Variants in ABCC8 observed in about 807,000 individuals in gnomAD.
ABCC8 encodes ATP binding cassette subfamily C member 8, also known as ATP-binding cassette sub-family C member 8.
A neutral mutation model predicts 188.0 loss-of-function variants in ABCC8; 137 were observed. The ratio of observed to expected loss-of-function variants is 0.73; its 90% CI spans 0.63 to 0.84. ABCC8 has a LOEUF of 0.84. Ranked by LOEUF, ABCC8 falls within the 40% of genes least tolerant of loss-of-function variation. The pLI, the probability that ABCC8 is intolerant of heterozygous loss-of-function variation, is 0.00. For missense variants in ABCC8, 1,750 were observed against 2,072.7 expected, an observed-to-expected ratio of 0.84 and a Z score of 3.02; for synonymous variants, 797 against 846.5, an observed-to-expected ratio of 0.94 and a Z score of 1.01.
At chr11:17,462,018 C>T in intron 4 of ABCC8, 193 bp from the exon 5 acceptor site, 4 of 593,928 alleles carry the variant, frequency 6.7e-6, no homozygotes, top group Non-Finnish European at 8.5e-6. Flanking sequence ...GGCATCCTGA[C>T]TTTGTAACTG....
At chr11:17,464,128 T>G (rs1432903823) in intron 3 of ABCC8, among the ~76,000 whole-genome samples, 2 of 152,232 alleles carry the variant, frequency 1.3e-5, no homozygotes, top group Non-Finnish European at 2.9e-5. Context: ...CATGCTATAA[T>G]GACTTACTTG....
At chr11:17,447,179 C>T (rs1207751927) in intron 8 of ABCC8, among the ~76,000 whole-genome samples, 7 of 152,304 alleles carry the variant, frequency 4.6e-5, no homozygotes, top group South Asian at 2.1e-4. Flanking sequence ...GGAACCTTCC[C>T]GCCCTCTGGG....
At chr11:17,417,453 A>C (rs972862183) in intron 16 of ABCC8, among the ~76,000 whole-genome samples, 1 of 152,206 alleles carries the variant, frequency 6.6e-6, no homozygotes, top group African/African-American at 2.4e-5. Flanking sequence ...CTTGTTTATA[A>C]ATGCATAAAT....
intron 22 of ABCC8, chr11:17,408,725 G>A (rs1021950602): frequency 2.4e-5 from 8 of 333,782 alleles, no homozygotes; most frequent in East Asian, 1.7e-4. Flanking sequence ...CATCTGAGGC[G>A]TATTTCTCAA....
At chr11:17,422,673 T>C (rs1955399959) in intron 16 of ABCC8, among the ~76,000 whole-genome samples, 1 of 152,180 alleles carries the variant, frequency 6.6e-6, no homozygotes, top group Admixed American at 6.5e-5. Context: ...CTACAGTCTG[T>C]CTGTCTTTTT....
intron 6 of ABCC8, among the ~76,000 whole-genome samples, chr11:17,458,937 T>C (rs1033810739): frequency 6.6e-6 from 1 of 152,244 alleles, no homozygotes; most frequent in African/African-American, 2.4e-5. Context: ...AGTATTTTAT[T>C]TTGATTTCTC....
At chr11:17,462,078 A>C (rs940564965) in intron 4 of ABCC8, among the ~76,000 whole-genome samples, 10 of 152,148 alleles carry the variant, frequency 6.6e-5, no homozygotes, top group Non-Finnish European at 1.2e-4. Flanking sequence ...GGTTGGGTTT[A>C]GGTTGGGTTG....
chr11:17,410,324 G>T (rs1954748865), intron 22 of ABCC8, 192 bp downstream of exon 22: 4 of 638,916 alleles, frequency 6.3e-6, no homozygotes, highest in South Asian at 5.9e-5. Context: ...GTGGGTCTAG[G>T]TGATACCAAA....
At position 17,413,404 on chromosome 11, in the gene ABCC8, A is replaced by G. The variant is rs550574143; in HGVS notation, c.2465T>C (p.Ile822Thr). The G allele has an allele frequency of 1.2e-6, 2 of 1,614,070 alleles. No individual in the cohort carries two copies. Among genetic ancestry groups the G allele is most frequent in the East Asian group, 2.2e-5 (1 of 44,874 alleles). Reference sequence around the variant, plus strand: ...GAGGCTGCTACTAACCCGTTCCCCAATCTGGGTCTGGTCTCCATGGGGCAG... The same window carrying G: ...GAGGCTGCTACTAACCCGTTCCCCAGTCTGGGTCTGGTCTCCATGGGGCAG... ...DILPHGDQTQ[I>T]GERGINLSGG... Residue 822 changes from isoleucine to threonine, a missense_variant, in exon 20 of 39, where the codon ATT becomes ACT. By Grantham distance (89) the Ile-to-Thr change is moderately conservative. Coordinates refer to ENST00000389817, the MANE Select transcript of ABCC8 (RefSeq NM_000352.6).
chr11:17,419,540 G>A (rs1371465957), intron 16 of ABCC8, among the ~76,000 whole-genome samples: 1 of 152,220 alleles, frequency 6.6e-6, no homozygotes, highest in Non-Finnish European at 1.5e-5. Context: ...GAAGCTTCTG[G>A]GTGATGGGAT....
At chr11:17,428,733 G>A (rs919281483) in intron 12 of ABCC8, 63 bp from the exon 13 acceptor site, 30 of 1,598,678 alleles carry the variant, frequency 1.9e-5, no homozygotes, top group Middle Eastern at 1.6e-4. Flanking sequence ...GGGAGAGGGC[G>A]CAGCCTGATA....
chr11:17,403,996 G>A (rs1257517999), intron 28 of ABCC8, among the ~76,000 whole-genome samples: 2 of 152,162 alleles, frequency 1.3e-5, no homozygotes, highest in Non-Finnish European at 2.9e-5. Flanking sequence ...ATTTTGAGGA[G>A]GAAAGAGGCG....
intron 16 of ABCC8, among the ~76,000 whole-genome samples, chr11:17,424,192 T>C (rs949037922): frequency 2.0e-4 from 30 of 148,894 alleles, no homozygotes; most frequent in East Asian, 4.0e-4. Flanking sequence ...AGGGAGAGCA[T>C]TAGGACAAAT....
At chr11:17,430,627 G>T in intron 12 of ABCC8, 187 bp downstream of exon 12, 1 of 740,150 alleles carries the variant, frequency 1.4e-6, no homozygotes, top group Non-Finnish European at 2.4e-6. Flanking sequence ...TCCTTGCTCA[G>T]GGATGGCGAG....
chr11:17,460,394 G>T (rs957258117), intron 6 of ABCC8, 94 bp downstream of exon 6: 2 of 1,576,962 alleles, frequency 1.3e-6, no homozygotes, highest in Non-Finnish European at 1.7e-6. Context: ...CCACTCCAGT[G>T]TGGCCATGGC....
intron 1 of ABCC8, among the ~76,000 whole-genome samples, chr11:17,476,409 G>T (rs996823195): frequency 3.1e-4 from 47 of 152,234 alleles, no homozygotes; most frequent in African/African-American, 1.1e-3. Flanking sequence ...ACAAACGTCC[G>T]CTGTGTTTGG....
At chr11:17,430,442 G>A (rs1955793234) in intron 12 of ABCC8, 2 of 359,782 alleles carry the variant, frequency 5.6e-6, no homozygotes, top group East Asian at 6.9e-5. Context: ...ATATCCATGG[G>A]GCAGCCACGT....
Position 17,413,497 on chromosome 11 carries a change from G to A in ABCC8, c.2391-19C>T, listed in dbSNP as rs1335735940. On this transcript the variant is annotated intron_variant, in intron 19 of 38. Transcript: ENST00000389817. ...CTTGTACCTGGCGTGGGTAGAGGCAGGGGATGCAGCTGGTCAGCCTGGTCA... is the reference window on the plus strand; with the variant it reads ...CTTGTACCTGGCGTGGGTAGAGGCAAGGGATGCAGCTGGTCAGCCTGGTCA... 6.2e-7 allele frequency: 1 copy of A among 1,613,372 alleles called. No homozygotes were observed.
intron 6 of ABCC8, among the ~76,000 whole-genome samples, chr11:17,455,155 C>A (rs1012048867): frequency 6.6e-6 from 1 of 152,154 alleles, no homozygotes; most frequent in Non-Finnish European, 1.5e-5. Context: ...AAGGAGAATG[C>A]AAAAACCCAT....
Sources: allele counts gnomAD v4.1 joint callset (sites outside exome capture counted in the v4.1 genomes callset), GRCh38; gene constraint gnomAD v4.1.1; transcripts MANE v1.5; gene names NCBI Gene and HGNC (gene_info 2026-07-23, HGNC 2026-07-21).